The following DAB1 variants were observed in gnomAD, a reference collection of about 807,000 sequenced individuals.
The protein encoded by DAB1 is DAB adaptor protein 1.
Under a neutral mutation model 64.6 loss-of-function variants are expected in DAB1, and 15 were observed. That is an observed-to-expected ratio of 0.23 (90% CI 0.16 to 0.36). The LOEUF (loss-of-function observed/expected upper bound fraction) is 0.36, where lower values mean the gene tolerates loss of function less well. Ranked by LOEUF, DAB1 falls within the 10% of genes least tolerant of loss-of-function variation. The pLI, the probability that DAB1 is intolerant of heterozygous loss-of-function variation, is 1.00. For synonymous variants in DAB1, 235 were observed against 251.9 expected (o/e 0.93, Z 0.64); for missense variants, 596 against 706.7 (o/e 0.84, Z 1.78).
rs909467627 is a variant in DAB1 at position 58,111,985 on chromosome 1, C to T, written n.387+38526G>A. Among the ~76,000 whole-genome samples the T allele has an allele frequency of 2.6e-5, 3 of 117,280 alleles. No individual in the cohort carries two copies. In the Admixed American group the frequency reaches 2.6e-4, roughly 10 times the overall value. The allele number at this position is 117,280 out of a possible 152,430, so 76.9% of individuals were successfully genotyped here. A position where few individuals can be genotyped will look rare whatever the true frequency, so the allele number is the denominator to read the frequency against. ...GGCCTCCAAGGCCTTACACAAACCT[C>T]GACCTACACCATCCGTCTAACTCTG... On this transcript the variant is annotated intron_variant and non_coding_transcript_variant, in intron 5 of 20. Transcript: ENST00000485760.
intron 4 of DAB1, among the ~76,000 whole-genome samples, chr1:58,286,896 T>A (rs972564795): frequency 2.6e-5 from 4 of 152,132 alleles, no homozygotes; most frequent in African/African-American, 9.7e-5. Context: ...CTAATCACAA[T>A]AGCAAAGACA....
intron 3 of DAB1, among the ~76,000 whole-genome samples, chr1:58,470,931 C>A (rs2100329767): frequency 6.6e-6 from 1 of 152,270 alleles, no homozygotes; most frequent in Middle Eastern, 3.4e-3. Flanking sequence ...AGAATCGTAG[C>A]AGCAAAAGCT....
chr1:57,052,305 G>C (rs1649273485), intron 9 of DAB1, among the ~76,000 whole-genome samples: 1 of 152,108 alleles, frequency 6.6e-6, no homozygotes, highest in African/African-American at 2.4e-5. Context: ...TGAGTCAAAG[G>C]CTGGGATGTC....
chr1:57,452,405 T>C (rs1318476610), intron 7 of DAB1, among the ~76,000 whole-genome samples: 2 of 152,042 alleles, frequency 1.3e-5, no homozygotes, highest in African/African-American at 2.4e-5. Flanking sequence ...GCATTAATGG[T>C]TAAAAGCAGC....
At chr1:57,229,088 C>T (rs551518634) in intron 2 of DAB1, among the ~76,000 whole-genome samples, 1 of 152,104 alleles carries the variant, frequency 6.6e-6, no homozygotes, top group South Asian at 2.1e-4. Flanking sequence ...TTTTTAGAAA[C>T]CCTCTTAGAA....
intron 2 of DAB1, among the ~76,000 whole-genome samples, chr1:58,507,031 C>T (rs940346038): frequency 3.9e-5 from 6 of 151,950 alleles, no homozygotes; most frequent in Non-Finnish European, 8.8e-5. Flanking sequence ...AAGCTGTTAA[C>T]TACCCTAAGA....
chr1:58,447,560 C>T (rs1430701759), intron 3 of DAB1, among the ~76,000 whole-genome samples: 3 of 152,156 alleles, frequency 2.0e-5, no homozygotes, highest in African/African-American at 4.8e-5. Flanking sequence ...TGCCAGCCTT[C>T]CCAGAGCTTA....
intron 1 of DAB1, among the ~76,000 whole-genome samples, chr1:57,392,091 T>C (rs1269120411): frequency 6.6e-6 from 1 of 152,084 alleles, no homozygotes; most frequent in Non-Finnish European, 1.5e-5. Context: ...AAGCATGTAA[T>C]GGCCAGGCAC....
chr1:58,236,054 A>C (rs1660015908), intron 4 of DAB1, among the ~76,000 whole-genome samples: 1 of 152,126 alleles, frequency 6.6e-6, no homozygotes, highest in Non-Finnish European at 1.5e-5. Context: ...AGACGAGAGC[A>C]AGGCTTCAAG....
chr1:58,080,998 C>A (rs1396669094), intron 5 of DAB1, among the ~76,000 whole-genome samples: 1 of 152,222 alleles, frequency 6.6e-6, no homozygotes, highest in African/African-American at 2.4e-5. Context: ...GACTCAAGCT[C>A]ATACCTGCTC....
intron 6 of DAB1, among the ~76,000 whole-genome samples, chr1:57,781,001 T>C (rs1407350199): frequency 6.6e-6 from 1 of 151,442 alleles, no homozygotes; most frequent in African/African-American, 2.4e-5. Context: ...GTGCTGGGAT[T>C]ACAGGCATAA....
At position 57,015,242 on chromosome 1, in the gene DAB1, G is replaced by A. The variant is rs1445308748; in HGVS notation, c.1085C>T (p.Pro362Leu). Residue 362 changes from proline (P) to leucine (L), a missense_variant, in exon 12 of 15, where the codon CCG becomes CTG. This residue lies in a region of DAB1 where 377 missense variants were observed against 400.4 expected (regional missense o/e 0.94). Coordinates refer to ENST00000371236, the MANE Select transcript of DAB1 (RefSeq NM_001365792.1). Reference protein sequence around the residue: ...QPWPTVAGQFPPAAFMPTQTV... With the variant: ...QPWPTVAGQFLPAAFMPTQTV... The stretch of plus-strand genomic sequence containing the variant: ...TTGTGTGGGCATGAAGGCGGCTGGC[G>A]GAAACTGCCCGGCCACAGTTGGCCA... 17 of 1,614,086 alleles carry A rather than the reference G, an allele frequency of 1.1e-5. No individual in the cohort carries two copies. Among genetic ancestry groups the A allele is most frequent in the South Asian group, 2.2e-5 (2 of 91,080 alleles).
At chr1:57,617,705 CTTGTG>C (rs1645805475) in intron 7 of DAB1, among the ~76,000 whole-genome samples, 1 of 152,096 alleles carries the variant, frequency 6.6e-6, no homozygotes, top group African/African-American at 2.4e-5. Flanking sequence ...GTGACTTTAA[CTTGTG>C]TTGTGAATGA....
intron 3 of DAB1, among the ~76,000 whole-genome samples, chr1:58,485,228 TAAA>T (rs71043289): frequency 7.1e-5 from 3 of 42,034 alleles, no homozygotes; most frequent in African/African-American, 1.9e-4. Context: ...AGTCTACTAC[TAAA>T]AAAAAAAAAA....
chr1:57,735,648 T>C (rs1289631403), intron 6 of DAB1, among the ~76,000 whole-genome samples: 1 of 149,664 alleles, frequency 6.7e-6, no homozygotes, highest in African/African-American at 2.5e-5. Context: ...AGAAAATTTC[T>C]GATTTTAAAG....
At position 58,446,186 on chromosome 1, in the gene DAB1, G is replaced by A. The variant is rs563623950; in HGVS notation, n.257+59874C>T. Among the ~76,000 whole-genome samples, 114 of 152,158 alleles carry A rather than the reference G, an allele frequency of 7.5e-4. 2 individuals carry two copies. In the South Asian group the frequency reaches 0.015, roughly 20 times the overall value. ...AGAAATTAATTGGGAAATTGATTTC[G>A]TCTTGTGCACTAGATTATAAGCTTC... On this transcript the variant is annotated intron_variant and non_coding_transcript_variant, in intron 3 of 20. Transcript: ENST00000485760.
intron 1 of DAB1, among the ~76,000 whole-genome samples, chr1:57,875,868 T>C (rs1397606547): frequency 1.3e-5 from 2 of 152,180 alleles, no homozygotes; most frequent in Admixed American, 6.5e-5. Flanking sequence ...TTGATCCTCA[T>C]CAGCACTTTC....
chr1:57,191,802 G>A (rs1232602009), intron 2 of DAB1, among the ~76,000 whole-genome samples: 1 of 152,096 alleles, frequency 6.6e-6, no homozygotes, highest in Non-Finnish European at 1.5e-5. Context: ...TCATGGGGTA[G>A]TGACTCACTC....
chr1:58,392,184 G>A lies in DAB1; in HGVS notation n.258-48781C>T, dbSNP rs560675741. ...TAAGCGCAGAGTTGAGGGGAAGAAA[G>A]ATAAGCTCAAATTTTCTGGCATCTC... On this transcript the variant is annotated intron_variant and non_coding_transcript_variant, in intron 3 of 20. Transcript: ENST00000485760. Among the ~76,000 whole-genome samples the A allele has an allele frequency of 2.6e-5, 4 of 152,310 alleles. No homozygotes were observed. In the South Asian group the frequency reaches 8.3e-4, roughly 32 times the overall value.
Sources: allele counts gnomAD v4.1 joint callset (sites outside exome capture counted in the v4.1 genomes callset), GRCh38; gene constraint gnomAD v4.1.1; regional missense constraint gnomAD v4.1.1; transcripts MANE v1.5; gene names NCBI Gene and HGNC (gene_info 2026-07-23, HGNC 2026-07-21).